Variants in ZC3H3 observed in about 807,000 individuals in gnomAD.
ZC3H3 encodes zinc finger CCCH-type containing 3.
A neutral mutation model predicts 77.3 loss-of-function variants in ZC3H3; 36 were observed. The observed-to-expected ratio is 0.47, with a 90% confidence interval of 0.36 to 0.61. ZC3H3 has a LOEUF of 0.61. Ranked by LOEUF, ZC3H3 falls within the 20% of genes least tolerant of loss-of-function variation. The probability of loss-of-function intolerance (pLI) is 0.00; values close to 1 mark genes in which losing one functional copy is unlikely to be tolerated. For missense variants in ZC3H3, 1,331 were observed against 1,312.2 expected, an observed-to-expected ratio of 1.01 and a Z score of -0.22; for synonymous variants, 626 against 555.2, an observed-to-expected ratio of 1.13 and a Z score of -1.79.
intron 3 of ZC3H3, among the ~76,000 whole-genome samples, chr8:143,517,438 G>A (rs1187573702): frequency 6.6e-6 from 1 of 152,192 alleles, no homozygotes; most frequent in Non-Finnish European, 1.5e-5. Flanking sequence ...AGTTGGGCCT[G>A]TACCCCAGGC....
intron 9 of ZC3H3, among the ~76,000 whole-genome samples, chr8:143,444,887 G>A (rs1450664161): frequency 6.6e-6 from 1 of 152,134 alleles, no homozygotes. Flanking sequence ...AAGAAAAAAA[G>A]TCATTATTTG....
At chr8:143,455,145 C>A (rs1820082217) in intron 9 of ZC3H3, among the ~76,000 whole-genome samples, 1 of 151,994 alleles carries the variant, frequency 6.6e-6, no homozygotes, top group Non-Finnish European at 1.5e-5. Context: ...GAAACCCCAT[C>A]TCTACTAAAA....
At position 143,516,304 on chromosome 8, in the gene ZC3H3, G is replaced by A. The variant is rs538716295; in HGVS notation, c.1562-8405C>T. 1.2e-4 allele frequency among the ~76,000 whole-genome samples: 19 copies of A among 152,304 alleles called. No homozygotes were observed. In the South Asian group the frequency reaches 3.9e-3, roughly 32 times the overall value. ...GGACCTCAAACGCTGCAGACAGAGG[G>A]AAGGAGCCCCTGTATGTGGTGGTGG... On this transcript the variant is annotated intron_variant, in intron 3 of 11. Transcript: ENST00000262577.
At chr8:143,486,778 C>T in intron 4 of ZC3H3, among the ~76,000 whole-genome samples, 1 of 149,350 alleles carries the variant, frequency 6.7e-6, no homozygotes. Flanking sequence ...GAAGCTCACA[C>T]ACAGAACAGC....
At chr8:143,438,972 C>T (rs1819654477) in intron 11 of ZC3H3, among the ~76,000 whole-genome samples, 1 of 152,232 alleles carries the variant, frequency 6.6e-6, no homozygotes, top group Admixed American at 6.5e-5. Context: ...CTCCACCTGC[C>T]CGAGCTCCTG....
chr8:143,495,663 C>G (rs1821326223), intron 4 of ZC3H3, among the ~76,000 whole-genome samples: 1 of 152,130 alleles, frequency 6.6e-6, no homozygotes, highest in Admixed American at 6.5e-5. Context: ...CTCATTGTAA[C>G]CTCGACCTCC....
At chr8:143,520,128 C>A (rs1344128324) in intron 3 of ZC3H3, among the ~76,000 whole-genome samples, 2 of 152,194 alleles carry the variant, frequency 1.3e-5, no homozygotes, top group Admixed American at 1.3e-4. Flanking sequence ...GCCCAGAGCT[C>A]TGCAGGGCAG....
chr8:143,498,096 C>G (rs1821405682), intron 4 of ZC3H3, among the ~76,000 whole-genome samples: 2 of 152,312 alleles, frequency 1.3e-5, no homozygotes, highest in South Asian at 4.1e-4. Flanking sequence ...GCAGGAACTG[C>G]CTGGGCCACG....
chr8:143,527,564 AT>A (rs1207267626), intron 3 of ZC3H3, among the ~76,000 whole-genome samples: 1 of 152,226 alleles, frequency 6.6e-6, no homozygotes, highest in Non-Finnish European at 1.5e-5. Context: ...GGCATGCCTG[AT>A]AATTTATGCA....
At chr8:143,522,938 A>G (rs1265831756) in intron 3 of ZC3H3, among the ~76,000 whole-genome samples, 2 of 152,026 alleles carry the variant, frequency 1.3e-5, no homozygotes, top group African/African-American at 2.4e-5. Context: ...ATATATATAT[A>G]TTGCCCTTTG....
intron 3 of ZC3H3, among the ~76,000 whole-genome samples, chr8:143,534,320 C>T (rs1563886161): frequency 6.6e-6 from 1 of 151,484 alleles, no homozygotes; most frequent in Non-Finnish European, 1.5e-5. Context: ...TACGCCCTTC[C>T]CTCTAGTGAG....
intron 4 of ZC3H3, among the ~76,000 whole-genome samples, chr8:143,482,367 G>A (rs915975981): frequency 6.6e-6 from 1 of 152,242 alleles, no homozygotes; most frequent in Non-Finnish European, 1.5e-5. Flanking sequence ...TGCACCCCTG[G>A]CCCTGCGGAT....
chr8:143,479,264 G>A (rs1820839329), intron 4 of ZC3H3, among the ~76,000 whole-genome samples: 1 of 152,230 alleles, frequency 6.6e-6, no homozygotes, highest in Non-Finnish European at 1.5e-5. Flanking sequence ...AGGGCATGGG[G>A]CGAGGGCCTT....
Position 143,437,962 on chromosome 8 carries a change from G to A in ZC3H3, c.*94C>T, listed in dbSNP as rs541481479. ...TGGCCCCCAGGTGAGGCTTGGTGGC[G>A]GGCGGCCCTCCTGTGGGGTAGAGTG... On this transcript the variant is annotated 3_prime_UTR_variant, in exon 12 of 12. Coordinates refer to ENST00000262577, the MANE Select transcript of ZC3H3 (RefSeq NM_015117.3). 83 of 1,518,300 alleles carry A rather than the reference G, an allele frequency of 5.5e-5. No homozygotes were observed. The highest frequency in any genetic ancestry group is 6.9e-5 in the African/African-American group (5 of 72,830). 94.1% of individuals were successfully genotyped at this position (1,518,300 alleles called of 1,614,324 possible).
At position 143,538,560 on chromosome 8, in the gene ZC3H3, G is replaced by A; in HGVS notation, c.807C>T (p.His269=). 2 of 1,611,400 alleles carry A rather than the reference G, an allele frequency of 1.2e-6. No homozygotes were observed. Among genetic ancestry groups the A allele is most frequent in the Non-Finnish European group, 1.7e-6 (2 of 1,180,022 alleles). The part of the protein sequence containing the change: ...LLGDRRVDAG[H]TDQPVPSGSV... ...AGCCAGACGGAACTGGCTGATCTGT[G>A]TGGCCAGCATCTACTCTCCTGTCCC... Residue 269 remains histidine (H), a synonymous_variant, in exon 2 of 12, where the codon CAC becomes CAT. Coordinates refer to ENST00000262577, the MANE Select transcript of ZC3H3 (RefSeq NM_015117.3).
chr8:143,484,925 G>C (rs748936633), intron 4 of ZC3H3: 2 of 452,572 alleles, frequency 4.4e-6, no homozygotes, highest in South Asian at 3.1e-5. Context: ...AACTTCATGC[G>C]GCCCTTGCAA....
At chr8:143,519,003 C>G (rs1026506317) in intron 3 of ZC3H3, among the ~76,000 whole-genome samples, 1 of 152,226 alleles carries the variant, frequency 6.6e-6, no homozygotes, top group Non-Finnish European at 1.5e-5. Flanking sequence ...GCCTGCCTCC[C>G]GGTGATGCAT....
rs138718367 is a variant in ZC3H3 at position 143,452,203 on chromosome 8, G to A, written c.2308-11083C>T. On this transcript the variant is annotated intron_variant, in intron 9 of 11. Coordinates refer to ENST00000262577, the MANE Select transcript of ZC3H3 (RefSeq NM_015117.3). ...CCAGGAGGCCCTTCCCTTCCTTGCCGGGGTGGTGAAAAGCCAGGACATTCA... is the reference window on the plus strand; with the variant it reads ...CCAGGAGGCCCTTCCCTTCCTTGCCAGGGTGGTGAAAAGCCAGGACATTCA... Among the ~76,000 whole-genome samples the A allele has an allele frequency of 2.4e-3, 371 of 152,336 alleles. 1 individual carries two copies. Among genetic ancestry groups the A allele is most frequent in the African/African-American group, 8.5e-3 (355 of 41,590 alleles).
At chr8:143,532,259 A>T (rs951822211) in intron 3 of ZC3H3, among the ~76,000 whole-genome samples, 1 of 152,252 alleles carries the variant, frequency 6.6e-6, no homozygotes, top group Non-Finnish European at 1.5e-5. Context: ...CGGAGGCGAT[A>T]GGAGGGGCAA....
Sources: gnomAD v4.1 joint callset for allele counts (sites outside exome capture counted in the v4.1 genomes callset) on GRCh38, gnomAD v4.1.1 for gene constraint, MANE v1.5 for transcripts, NCBI Gene and HGNC (gene_info 2026-07-23, HGNC 2026-07-21) for gene names.